Variants in LSAMP observed in about 807,000 individuals in gnomAD.
LSAMP encodes the protein limbic system-associated membrane protein.
LSAMP carries 7 observed loss-of-function variants against 38.6 expected under a neutral mutation model. The observed-to-expected ratio is 0.18, with a 90% CI of 0.10 to 0.34. The LOEUF (loss-of-function observed/expected upper bound fraction) is 0.34. LSAMP is among the 10% of genes least tolerant of loss of function. The pLI is 1.00. For synonymous variants in LSAMP, 154 were observed against 166.8 expected (o/e 0.92, Z 0.59); for missense variants, 313 against 420.0 (o/e 0.75, Z 2.23).
At chr3:115,887,451 A>T (rs1475948439) in intron 3 of LSAMP, among the ~76,000 whole-genome samples, 1 of 151,946 alleles carries the variant, frequency 6.6e-6, no homozygotes, top group Non-Finnish European at 1.5e-5. Context: ...GAAATGAATG[A>T]AATACTTCAA....
intron 1 of LSAMP, among the ~76,000 whole-genome samples, chr3:116,341,317 G>A (rs778168958): frequency 2.6e-5 from 4 of 151,906 alleles, no homozygotes; most frequent in Non-Finnish European, 4.4e-5. Context: ...TGTAGTGTTA[G>A]CTCAGGTTCT....
chr3:116,384,951 A>T (rs1937549310), intron 1 of LSAMP, among the ~76,000 whole-genome samples: 1 of 152,126 alleles, frequency 6.6e-6, no homozygotes, highest in African/African-American at 2.4e-5. Context: ...AGAATACGTG[A>T]AATGAATTAT....
At chr3:116,312,157 T>C (rs2047565985) in intron 1 of LSAMP, among the ~76,000 whole-genome samples, 1 of 152,164 alleles carries the variant, frequency 6.6e-6, no homozygotes, top group South Asian at 2.1e-4. Context: ...CACCCTAAAT[T>C]CGCATGTACT....
chr3:116,217,329 A>C (rs929383854), intron 1 of LSAMP, among the ~76,000 whole-genome samples: 1 of 152,216 alleles, frequency 6.6e-6, no homozygotes, highest in Non-Finnish European at 1.5e-5. Flanking sequence ...AGACACATTC[A>C]CGTTATAGAA....
rs573111656 is a variant in LSAMP, at chr3:116,270,132, C to A, written c.155+174745G>T. On this transcript the variant is annotated intron_variant, in intron 1 of 6. Transcript: ENST00000490035. ...TTTCTTTGGTTTTATTTTGTGTTTTCCAAAGCAATATACATTTTAGGTCAG... is the reference window on the plus strand; with the variant it reads ...TTTCTTTGGTTTTATTTTGTGTTTTACAAAGCAATATACATTTTAGGTCAG... 3.3e-5 allele frequency among the ~76,000 whole-genome samples: 5 copies of A among 152,190 alleles called. No homozygotes were observed. The East Asian group carries it at 9.6e-4, about 29-fold the overall frequency.
At chr3:116,289,071 GTTTA>G (rs930041442) in intron 1 of LSAMP, among the ~76,000 whole-genome samples, 1 of 151,278 alleles carries the variant, frequency 6.6e-6, no homozygotes, top group Non-Finnish European at 1.5e-5. Context: ...CATGAGTTTT[GTTTA>G]TTTATCATGT....
chr3:115,811,238 T>C (rs578192115), intron 6 of LSAMP, among the ~76,000 whole-genome samples: 52 of 152,056 alleles, frequency 3.4e-4, no homozygotes, highest in African/African-American at 1.2e-3. Flanking sequence ...ATTTGGGGGA[T>C]GTGGGTGTGG....
rs370067346 is a variant in LSAMP at position 115,972,991 on chromosome 3, G to C, written c.514+46524C>G. 2.6e-5 allele frequency among the ~76,000 whole-genome samples: 4 copies of C among 151,914 alleles called. No homozygotes were observed. The East Asian group carries it at 7.7e-4, about 29-fold the overall frequency. On this transcript the variant is annotated intron_variant, in intron 3 of 6. Transcript: ENST00000490035. ...AGAAAGGACATTACTGGCAAAAACA[G>C]TGGAATGAATGAAGAGATTGAGGCA...
chr3:115,845,864 C>T (rs73858083), intron 4 of LSAMP, among the ~76,000 whole-genome samples: 7,273 of 152,294 alleles, frequency 0.048, 570 homozygotes, highest in African/African-American at 0.16. Context: ...TAGGATTGAG[C>T]ACTTACAAGT....
rs72961533 is a variant in LSAMP at position 116,169,856 on chromosome 3, A to G, written c.156-83300T>C. ...GGGTCTTGTGAAAATTGAGTCATTC[A>G]TTTTTGATGCCTACCATTCAGGAAA... On this transcript the variant is annotated intron_variant, in intron 1 of 6. Coordinates refer to ENST00000490035, the MANE Select transcript of LSAMP (RefSeq NM_002338.5). Among the ~76,000 whole-genome samples the G allele has an allele frequency of 3.3e-3, 504 of 152,248 alleles. 6 individuals carry two copies. The highest frequency in any genetic ancestry group is 0.011 in the African/African-American group (477 of 41,560).
chr3:116,430,732 T>G (rs1253175074), intron 1 of LSAMP, among the ~76,000 whole-genome samples: 1 of 151,968 alleles, frequency 6.6e-6, no homozygotes, highest in Non-Finnish European at 1.5e-5. Flanking sequence ...TAGGGATAAA[T>G]AATTTATCAA....
At chr3:116,008,253 G>A (rs780773648) in intron 3 of LSAMP, among the ~76,000 whole-genome samples, 12 of 152,138 alleles carry the variant, frequency 7.9e-5, no homozygotes, top group Admixed American at 1.3e-4. Flanking sequence ...TTTTACAGAC[G>A]GAAAGTAGAG....
intron 3 of LSAMP, among the ~76,000 whole-genome samples, chr3:116,002,106 C>T (rs1183607178): frequency 1.3e-5 from 2 of 151,866 alleles, no homozygotes; most frequent in Non-Finnish European, 2.9e-5. Context: ...TATAGAATTC[C>T]ATAAGGTCAT....
chr3:116,047,382 A>C (rs1275711681), intron 2 of LSAMP, among the ~76,000 whole-genome samples: 2 of 151,628 alleles, frequency 1.3e-5, no homozygotes, highest in Admixed American at 6.6e-5. Context: ...TCTAAAAAAA[A>C]AAAAAAAACA....
rs376250987 is a variant in LSAMP at position 116,312,079 on chromosome 3, A to T, written c.155+132798T>A. Reference sequence around the variant, plus strand: ...TCAATGATATTTTTGACTCAGTTCTATTTGGCATTCTTATCAAAAAGCTAG... The same window carrying T: ...TCAATGATATTTTTGACTCAGTTCTTTTTGGCATTCTTATCAAAAAGCTAG... On this transcript the variant is annotated intron_variant, in intron 1 of 6. Coordinates refer to ENST00000490035, the MANE Select transcript of LSAMP (RefSeq NM_002338.5). Among the ~76,000 whole-genome samples, 6 of 152,258 alleles carry T rather than the reference A, an allele frequency of 3.9e-5. 1 individual carries two copies. Among genetic ancestry groups the T allele is most frequent in the African/African-American group, 1.2e-4 (5 of 41,548 alleles).
chr3:116,019,620 T>C lies in LSAMP; in HGVS notation c.409A>G (p.Ile137Val). The part of the protein sequence containing the change: ...IVQVPPKISN[I>V]SSDVTVNEGS... The stretch of plus-strand genomic sequence containing the variant: ...TCATTCACAGTGACATCCGAGGAGA[T>C]ATTGGAGATCTTTGGTGGGACTGTG... Residue 137 changes from isoleucine to valine, a missense_variant, in exon 3 of 7, where the codon ATC becomes GTC. Transcript: ENST00000490035. The C allele has an allele frequency of 6.2e-7, 1 of 1,612,402 alleles. No homozygotes were observed. The highest frequency in any genetic ancestry group is 8.5e-7 in the Non-Finnish European group (1 of 1,178,772).
In LSAMP at chr3:116,002,715, T is replaced by TTCTACTGAGACATTTGTCTCA. The variant is rs1461788249; in HGVS notation, c.514+16799_514+16800insTGAGACAAATGTCTCAGTAGA. 2.1e-4 allele frequency among the ~76,000 whole-genome samples: 32 copies of TTCTACTGAGACATTTGTCTCA among 152,318 alleles called. 1 individual carries two copies. Among genetic ancestry groups the TTCTACTGAGACATTTGTCTCA allele is most frequent in the African/African-American group, 7.2e-4 (30 of 41,574 alleles). Reference sequence around the variant, plus strand: ...CCAAAATGGGCTTCTGTTTCTCAGCTGTAGACAAATGTCCTCTCTGCTAAC... The same window carrying TTCTACTGAGACATTTGTCTCA: ...CCAAAATGGGCTTCTGTTTCTCAGCTTCTACTGAGACATTTGTCTCAGTAGACAAATGTCCTCTCTGCTAAC... On this transcript the variant is annotated intron_variant, in intron 3 of 6. Coordinates refer to ENST00000490035, the MANE Select transcript of LSAMP (RefSeq NM_002338.5).
chr3:116,222,482 C>T (rs908956664), intron 1 of LSAMP, among the ~76,000 whole-genome samples: 2 of 151,964 alleles, frequency 1.3e-5, no homozygotes, highest in Non-Finnish European at 2.9e-5. Flanking sequence ...GGCTTAAACT[C>T]ATAATTTTCC....
intron 1 of LSAMP, among the ~76,000 whole-genome samples, chr3:116,331,087 G>A (rs1471293194): frequency 4.0e-5 from 6 of 151,872 alleles, no homozygotes; most frequent in South Asian, 2.1e-4. Flanking sequence ...AACAAATTAC[G>A]GAGCTGAAAA....
Sources: gnomAD v4.1 joint callset for allele counts (sites outside exome capture counted in the v4.1 genomes callset) on GRCh38, gnomAD v4.1.1 for gene constraint, MANE v1.5 for transcripts, NCBI Gene and HGNC (gene_info 2026-07-23, HGNC 2026-07-21) for gene names.